The following PHF24 variants were observed in gnomAD, a reference collection of about 807,000 sequenced individuals.
PHF24 encodes the protein PHD finger protein 24.
PHF24 carries 25 observed loss-of-function variants against 42.6 expected under a neutral mutation model. That is an observed-to-expected ratio of 0.59 (90% CI 0.43 to 0.82). The LOEUF (loss-of-function observed/expected upper bound fraction) is 0.82. Among genes scored for constraint, PHF24 ranks in the 40% least tolerant of loss-of-function variants. The pLI is 0.00. For missense variants in PHF24, 470 were observed against 538.1 expected, an observed-to-expected ratio of 0.87 and a Z score of 1.25; for synonymous variants, 185 against 204.8, an observed-to-expected ratio of 0.90 and a Z score of 0.83.
the PHF24 span, among the ~76,000 whole-genome samples, chr9:34,850,912 G>A: frequency 2.6e-5 from 4 of 152,176 alleles, no homozygotes; most frequent in Non-Finnish European, 4.4e-5. Flanking sequence ...GCAGAACAGC[G>A]GATTTTTGTG....
chr9:34,737,282 A>G, the PHF24 span, among the ~76,000 whole-genome samples: 10 of 152,212 alleles, frequency 6.6e-5, no homozygotes, highest in African/African-American at 2.4e-4. Context: ...TTTCATATAA[A>G]TGGAATCAGA....
chr9:34,812,231 T>C, the PHF24 span, among the ~76,000 whole-genome samples: 1 of 147,948 alleles, frequency 6.8e-6, no homozygotes, highest in Non-Finnish European at 1.5e-5. Flanking sequence ...AACAAACACA[T>C]ACGTACACAA....
the PHF24 span, among the ~76,000 whole-genome samples, chr9:34,684,731 T>A: frequency 6.6e-6 from 1 of 152,104 alleles, no homozygotes; most frequent in Non-Finnish European, 1.5e-5. Flanking sequence ...ACGTGGTGAT[T>A]GGGGTTTGGA....
chr9:34,893,334 C>T, the PHF24 span, among the ~76,000 whole-genome samples: 511 of 152,220 alleles, frequency 3.4e-3, 1 homozygote, highest in South Asian at 0.018. Flanking sequence ...GACATAGTGG[C>T]TCATGCCTCT....
At chr9:34,814,117 C>T in the PHF24 span, among the ~76,000 whole-genome samples, 1 of 152,136 alleles carries the variant, frequency 6.6e-6, no homozygotes, top group Non-Finnish European at 1.5e-5. Flanking sequence ...AACAGGAAAC[C>T]TCAATTCCAC....
At chr9:34,915,026 C>CTTTTTTTTTTTTTT in the PHF24 span, among the ~76,000 whole-genome samples, 4 of 37,454 alleles carry the variant, frequency 1.1e-4, no homozygotes, top group Non-Finnish European at 1.8e-4. Context: ...TTTTTCTTTT[C>CTTTTTTTTTTTTTT]TTTTTTTTTT....
chr9:34,731,039 A>G, the PHF24 span, among the ~76,000 whole-genome samples: 1 of 152,212 alleles, frequency 6.6e-6, no homozygotes, highest in African/African-American at 2.4e-5. Flanking sequence ...TACACATGGC[A>G]CAAAATTTAA....
chr9:34,767,947 T>C, the PHF24 span, among the ~76,000 whole-genome samples: 1 of 152,230 alleles, frequency 6.6e-6, no homozygotes, highest in Non-Finnish European at 1.5e-5. Context: ...CGTGCACATC[T>C]ACCGACACTA....
At chr9:34,875,950 ACTCTCTCTCTCTCTCTCTCT>A in the PHF24 span, among the ~76,000 whole-genome samples, 1,394 of 78,748 alleles carry the variant, frequency 0.018, 38 homozygotes, top group Admixed American at 0.073. Flanking sequence ...ACACACACAC[ACTCTCTCTCTCTCTCTCTCT>A]CTCTCTCTCT....
the PHF24 span, chr9:34,895,885 C>T: frequency 2.5e-6 from 1 of 395,548 alleles, no homozygotes; most frequent in African/African-American, 2.1e-5. Context: ...GATAGCATCA[C>T]AGACCTTTAT....
At chr9:34,922,787 TGA>T in the PHF24 span, 1 of 1,592,380 alleles carries the variant, frequency 6.3e-7, no homozygotes, top group Admixed American at 1.7e-5. Flanking sequence ...TATAAGCAAC[TGA>T]GAGAAGATTC....
the PHF24 span, among the ~76,000 whole-genome samples, chr9:34,682,505 C>T: frequency 6.6e-6 from 1 of 152,030 alleles, no homozygotes; most frequent in African/African-American, 2.4e-5. Flanking sequence ...GCTCAATTTT[C>T]TAAGAAGTCT....
chr9:34,677,643 C>A, the PHF24 span, among the ~76,000 whole-genome samples: 2 of 152,074 alleles, frequency 1.3e-5, no homozygotes, highest in Non-Finnish European at 2.9e-5. Context: ...CGTGATCCAC[C>A]CGCCTGGGCC....
At chr9:34,848,730 G>A in the PHF24 span, among the ~76,000 whole-genome samples, 5 of 151,458 alleles carry the variant, frequency 3.3e-5, no homozygotes, top group Admixed American at 3.3e-4. Context: ...TTTCTCTTAT[G>A]GGCATTTAGT....
At chr9:34,809,149 C>A in the PHF24 span, among the ~76,000 whole-genome samples, 1 of 151,724 alleles carries the variant, frequency 6.6e-6, no homozygotes, top group Non-Finnish European at 1.5e-5. The surrounding 1 kb of genome is among the most constrained non-coding windows in gnomAD (Gnocchi z 4.1). Context: ...AAAATGAGTT[C>A]TTGTTTGTAT....
chr9:34,680,784 T>C, the PHF24 span: 1 of 147,626 alleles, frequency 6.8e-6, no homozygotes, highest in Non-Finnish European at 1.5e-5. Context: ...CCAGAACCAG[T>C]TGCAGAACTA....
chr9:34,684,971 C>T, the PHF24 span, among the ~76,000 whole-genome samples: 1 of 152,104 alleles, frequency 6.6e-6, no homozygotes, highest in South Asian at 2.1e-4. Context: ...CTACCCTGAT[C>T]CTTAGAGGTT....
the PHF24 span, among the ~76,000 whole-genome samples, chr9:34,701,230 CT>C: frequency 1.3e-5 from 2 of 152,106 alleles, no homozygotes; most frequent in Non-Finnish European, 2.9e-5. The surrounding 1 kb of genome is among the most constrained non-coding windows in gnomAD (Gnocchi z 5.8). Context: ...TGCGCGCGTA[CT>C]AGCCATTGGG....
At chr9:34,717,599 C>G in the PHF24 span, among the ~76,000 whole-genome samples, 6 of 152,114 alleles carry the variant, frequency 3.9e-5, no homozygotes, top group African/African-American at 1.4e-4. Context: ...TTGTTGAGAC[C>G]AGGGGTATGC....
Sources: gnomAD v4.1 joint callset for allele counts (sites outside exome capture counted in the v4.1 genomes callset) on GRCh38, gnomAD v4.1.1 for gene constraint, Gnocchi (gnomAD v3.1) non-coding constraint, MANE v1.5 for transcripts, NCBI Gene and HGNC (gene_info 2026-07-23, HGNC 2026-07-21) for gene names.